Variants in INPP4B observed in about 807,000 individuals in gnomAD.
INPP4B encodes inositol polyphosphate-4-phosphatase type II B.
INPP4B carries 55 observed loss-of-function variants against 122.5 expected under a neutral mutation model. The ratio of observed to expected loss-of-function variants is 0.45; its 90% CI spans 0.36 to 0.56. INPP4B has a LOEUF of 0.56. Ranked by LOEUF, INPP4B falls within the 20% of genes least tolerant of loss-of-function variation. The pLI is 0.00. For synonymous variants in INPP4B, 403 were observed against 388.7 expected, an observed-to-expected ratio of 1.04 and a Z score of -0.43; for missense variants, 1,000 against 1,097.7, an observed-to-expected ratio of 0.91 and a Z score of 1.26.
At chr4:142,285,802 G>A (rs1474345103) in intron 9 of INPP4B, among the ~76,000 whole-genome samples, 2 of 152,104 alleles carry the variant, frequency 1.3e-5, no homozygotes, top group Non-Finnish European at 2.9e-5. Context: ...TCTGCATGGT[G>A]AAAAATCACC....
chr4:142,073,053 A>C (rs944679126), intron 25 of INPP4B, among the ~76,000 whole-genome samples: 1 of 152,078 alleles, frequency 6.6e-6, no homozygotes, highest in Non-Finnish European at 1.5e-5. Flanking sequence ...GTTAGATTTT[A>C]GGGTATTCAG....
chr4:142,605,737 T>C (rs1486956601), intron 2 of INPP4B, among the ~76,000 whole-genome samples: 1 of 151,828 alleles, frequency 6.6e-6, no homozygotes, highest in Non-Finnish European at 1.5e-5. Context: ...TGAGACATCA[T>C]CTCACTCCAG....
chr4:142,590,223 A>G (rs1258955515), intron 2 of INPP4B, among the ~76,000 whole-genome samples: 2 of 152,216 alleles, frequency 1.3e-5, no homozygotes, highest in East Asian at 3.9e-4. Flanking sequence ...TTCAAAACCC[A>G]TAAAAATTCA....
At chr4:142,285,072 G>C (rs186033936) in intron 9 of INPP4B, among the ~76,000 whole-genome samples, 16 of 152,058 alleles carry the variant, frequency 1.1e-4, no homozygotes, top group African/African-American at 3.9e-4. Flanking sequence ...TCAATGACTC[G>C]GGACAGTCAA....
At chr4:142,135,970 G>A (rs1803951198) in intron 18 of INPP4B, among the ~76,000 whole-genome samples, 1 of 152,028 alleles carries the variant, frequency 6.6e-6, no homozygotes, top group South Asian at 2.1e-4. Flanking sequence ...CTAATTTTTA[G>A]TATTTTTTAG....
chr4:142,315,763 A>G (rs781049564), intron 7 of INPP4B, among the ~76,000 whole-genome samples: 3 of 151,610 alleles, frequency 2.0e-5, no homozygotes, highest in Non-Finnish European at 4.4e-5. Context: ...ATATAAAGCA[A>G]TATACAAGCA....
chr4:142,473,255 T>C (rs1819206177), intron 2 of INPP4B: 1 of 152,256 alleles, frequency 6.6e-6, no homozygotes, highest in Admixed American at 6.5e-5. Context: ...ACACTGACCC[T>C]GCAGGCTGAT....
chr4:142,499,790 A>G (rs1271065952), intron 2 of INPP4B, among the ~76,000 whole-genome samples: 1 of 152,010 alleles, frequency 6.6e-6, no homozygotes, highest in Non-Finnish European at 1.5e-5. Flanking sequence ...AAAATATCAG[A>G]CCTCCCAGAT....
chr4:142,579,294 A>T (rs184761455), intron 2 of INPP4B, among the ~76,000 whole-genome samples: 11 of 151,986 alleles, frequency 7.2e-5, no homozygotes, highest in Non-Finnish European at 1.2e-4. Context: ...CTTGTTTTAT[A>T]CAGAGTGGTC....
chr4:142,800,037 A>G (rs1207379789), intron 1 of INPP4B, among the ~76,000 whole-genome samples: 2 of 152,106 alleles, frequency 1.3e-5, no homozygotes, highest in African/African-American at 4.8e-5. Flanking sequence ...AATTTAGACT[A>G]TAGAAAGATC....
At chr4:142,497,721 T>C (rs189853262) in intron 2 of INPP4B, among the ~76,000 whole-genome samples, 1 of 152,334 alleles carries the variant, frequency 6.6e-6, no homozygotes, top group Non-Finnish European at 1.5e-5. Context: ...TATTTCCCAG[T>C]AGTAGTCCTA....
intron 2 of INPP4B, among the ~76,000 whole-genome samples, chr4:142,537,471 GATACACATACACATAC>G (rs1163179553): frequency 4.3e-4 from 37 of 85,888 alleles, no homozygotes; most frequent in African/African-American, 1.5e-3. Flanking sequence ...GAGAGAGAGA[GATACACATACACATAC>G]ATACACAAAC....
intron 2 of INPP4B, among the ~76,000 whole-genome samples, chr4:142,686,495 T>C (rs1025659524): frequency 6.6e-6 from 1 of 152,080 alleles, no homozygotes; most frequent in Admixed American, 6.6e-5. Flanking sequence ...GTCAAAGGAC[T>C]AATGCACCAC....
chr4:142,768,807 A>G (rs1412373803), intron 1 of INPP4B, among the ~76,000 whole-genome samples: 1 of 152,200 alleles, frequency 6.6e-6, no homozygotes, highest in Non-Finnish European at 1.5e-5. Context: ...AAGCTGTACC[A>G]TGAAGAGGTC....
In INPP4B at chr4:142,469,267, C is replaced by T. The variant is rs191948689; in HGVS notation, c.-190-6541G>A. 6.0e-3 allele frequency among the ~76,000 whole-genome samples: 908 copies of T among 151,868 alleles called. 3 individuals carry two copies. Among genetic ancestry groups the T allele is most frequent in the Non-Finnish European group, 0.011 (724 of 67,922 alleles). ...AAAATTTCCAAAAGAATGCAGCTCCCAATAGCAGCTATAATAATCCAAATT... is the reference window on the plus strand; with the variant it reads ...AAAATTTCCAAAAGAATGCAGCTCCTAATAGCAGCTATAATAATCCAAATT... On this transcript the variant is annotated intron_variant, in intron 2 of 25. Coordinates refer to ENST00000262992, the MANE Select transcript of INPP4B (RefSeq NM_001101669.3).
chr4:142,090,220 A>G (rs1334299053), intron 23 of INPP4B, among the ~76,000 whole-genome samples: 1 of 152,196 alleles, frequency 6.6e-6, no homozygotes, highest in Non-Finnish European at 1.5e-5. Flanking sequence ...GTGTTAGAAT[A>G]CACAGGCATG....
intron 15 of INPP4B, among the ~76,000 whole-genome samples, chr4:142,176,634 G>T (rs1428218364): frequency 6.6e-6 from 1 of 152,094 alleles, no homozygotes; most frequent in Admixed American, 6.6e-5. Flanking sequence ...AATTTTAGCA[G>T]TCACAATAAG....
intron 2 of INPP4B, among the ~76,000 whole-genome samples, chr4:142,585,515 C>G (rs907752001): frequency 6.6e-6 from 1 of 152,118 alleles, no homozygotes; most frequent in Non-Finnish European, 1.5e-5. Flanking sequence ...TCATCCAGGA[C>G]AGCAAATCTC....
intron 2 of INPP4B, among the ~76,000 whole-genome samples, chr4:142,645,475 C>T (rs938811754): frequency 3.9e-5 from 6 of 152,190 alleles, no homozygotes; most frequent in Admixed American, 1.3e-4. Context: ...ATATTTCTCA[C>T]TCTTCCTTGC....
Sources: allele counts gnomAD v4.1 joint callset (sites outside exome capture counted in the v4.1 genomes callset), GRCh38; gene constraint gnomAD v4.1.1; transcripts MANE v1.5; gene names NCBI Gene and HGNC (gene_info 2026-07-23, HGNC 2026-07-21).